The following CSMD1 variants were observed in gnomAD, a reference collection of about 807,000 sequenced individuals.
CSMD1 encodes CUB and sushi domain-containing protein 1.
In CSMD1, 213 loss-of-function variants were observed where a neutral mutation model predicts 417.5. The ratio of observed to expected loss-of-function variants is 0.51; its 90% CI spans 0.46 to 0.57. The LOEUF is 0.57. CSMD1 is among the 20% of genes least tolerant of loss of function. CSMD1 has a pLI of 0.00. For synonymous variants in CSMD1, 2,862 were observed against 1,736.8 expected, an observed-to-expected ratio of 1.65 and a Z score of -16.11; for missense variants, 6,923 against 4,529.7, an observed-to-expected ratio of 1.53 and a Z score of -15.17.
chr8:4,325,111 A>G (rs1045000481), intron 3 of CSMD1, among the ~76,000 whole-genome samples: 2 of 152,188 alleles, frequency 1.3e-5, no homozygotes, highest in Admixed American at 1.3e-4. Flanking sequence ...CCACTTGATG[A>G]TACTGCACAT....
intron 3 of CSMD1, among the ~76,000 whole-genome samples, chr8:4,119,294 T>A (rs1208408293): frequency 2.6e-5 from 4 of 152,078 alleles, no homozygotes; most frequent in African/African-American, 9.7e-5. Flanking sequence ...ACAACCCAAA[T>A]CTAAATGTCA....
Position 4,738,847 on chromosome 8 carries a change from G to A in CSMD1, c.86-101289C>T, listed in dbSNP as rs975815099. ...AGATGGAGAATAGAAAAAATACACAGGTTGCTTATTTAGGAACTACATATA... is the reference window on the plus strand; with the variant it reads ...AGATGGAGAATAGAAAAAATACACAAGTTGCTTATTTAGGAACTACATATA... On this transcript the variant is annotated intron_variant, in intron 1 of 69. Coordinates refer to ENST00000635120, the MANE Select transcript of CSMD1 (RefSeq NM_033225.6). Among the ~76,000 whole-genome samples the A allele has an allele frequency of 2.6e-5, 4 of 151,510 alleles. No homozygotes were observed. In the South Asian group the frequency reaches 8.3e-4, roughly 32 times the overall value.
chr8:3,798,647 CAT>C lies in CSMD1; in HGVS notation c.819-44607_819-44606del, dbSNP rs999921685. 6.6e-5 allele frequency among the ~76,000 whole-genome samples: 10 copies of C among 152,154 alleles called. No homozygotes were observed. In the South Asian group the frequency reaches 1.2e-3, roughly 19 times the overall value. ...CAGTACTCATGCTATATAAAAAATACATACATTTATTCAAGAAGATGCATTTA... is the reference window on the plus strand; with the variant it reads ...CAGTACTCATGCTATATAAAAAATACACATTTATTCAAGAAGATGCATTTA... On this transcript the variant is annotated intron_variant, in intron 5 of 69. Transcript: ENST00000635120.
chr8:4,811,547 T>A (rs1162553338), intron 1 of CSMD1, among the ~76,000 whole-genome samples: 2 of 152,128 alleles, frequency 1.3e-5, no homozygotes, highest in South Asian at 2.1e-4. Flanking sequence ...TTTCCCAATA[T>A]TGACATGGAA....
rs112571277 is a variant in CSMD1, at chr8:3,142,625, G to A, written c.6081C>T (p.Phe2027=). ...LNFSTEANHD[F]LEIQNGPYHT... The stretch of plus-strand genomic sequence containing the variant: ...GGTAAGGTCCATTTTGAATTTCAAG[G>A]AAGTCATGATTAGCTTCGGTAGAAA... Residue 2027 remains phenylalanine, a synonymous_variant, in exon 41 of 70, where the codon TTC becomes TTT. Transcript: ENST00000635120. The A allele has an allele frequency of 7.9e-4, 1,276 of 1,613,984 alleles. 15 individuals carry two copies. In the African/African-American group the frequency reaches 0.016, roughly 20 times the overall value.
At chr8:4,044,721 C>A (rs1449868570) in intron 3 of CSMD1, among the ~76,000 whole-genome samples, 2 of 152,032 alleles carry the variant, frequency 1.3e-5, no homozygotes, top group African/African-American at 4.8e-5. Context: ...TGCATAGCAC[C>A]CTGGACACGT....
intron 3 of CSMD1, among the ~76,000 whole-genome samples, chr8:4,088,409 G>C (rs576599555): frequency 9.2e-5 from 14 of 152,108 alleles, no homozygotes; most frequent in East Asian, 1.9e-4. Flanking sequence ...CCTTTTCTCA[G>C]GTTTCCTCTC....
intron 5 of CSMD1, among the ~76,000 whole-genome samples, chr8:3,913,455 T>C (rs531427330): frequency 6.6e-6 from 1 of 152,040 alleles, no homozygotes; most frequent in Non-Finnish European, 1.5e-5. Context: ...AAATGTAACC[T>C]CCAGACTGGA....
chr8:4,837,563 A>G (rs1215938128), intron 1 of CSMD1, among the ~76,000 whole-genome samples: 1 of 152,178 alleles, frequency 6.6e-6, no homozygotes, highest in East Asian at 1.9e-4. Flanking sequence ...AATCAAAACA[A>G]TTAAGCTCAT....
intron 5 of CSMD1, among the ~76,000 whole-genome samples, chr8:3,838,146 A>T (rs1302383478): frequency 2.6e-5 from 4 of 152,138 alleles, no homozygotes; most frequent in Admixed American, 2.0e-4. Context: ...TCAGAGTCCT[A>T]TACTAAGTAT....
At chr8:3,928,097 T>C (rs529437074) in intron 5 of CSMD1, among the ~76,000 whole-genome samples, 1 of 152,160 alleles carries the variant, frequency 6.6e-6, no homozygotes, top group Admixed American at 6.6e-5. Context: ...TATGAAAGTA[T>C]AAAGGACATA....
chr8:3,049,461 T>C (rs1811669323), intron 50 of CSMD1, among the ~76,000 whole-genome samples: 1 of 152,100 alleles, frequency 6.6e-6, no homozygotes, highest in Non-Finnish European at 1.5e-5. Flanking sequence ...CGCTTATTAC[T>C]AAGTGAAAGA....
intron 23 of CSMD1, among the ~76,000 whole-genome samples, chr8:3,312,197 C>G (rs1805403224): frequency 6.6e-6 from 1 of 152,112 alleles, no homozygotes; most frequent in South Asian, 2.1e-4. Context: ...ATTGCTTTTT[C>G]TATCAATCAT....
At chr8:4,905,787 T>G (rs941772740) in intron 1 of CSMD1, among the ~76,000 whole-genome samples, 5 of 131,492 alleles carry the variant, frequency 3.8e-5, no homozygotes, top group African/African-American at 1.4e-4. Flanking sequence ...GCCACTGCAC[T>G]CCAGCCTGGG....
chr8:4,806,405 T>A (rs954861955), intron 1 of CSMD1, among the ~76,000 whole-genome samples: 5 of 152,138 alleles, frequency 3.3e-5, no homozygotes, highest in Non-Finnish European at 7.4e-5. Flanking sequence ...AGCAAAGTTC[T>A]TTGCCATAAA....
chr8:3,125,871 G>A (rs768424645), intron 41 of CSMD1, among the ~76,000 whole-genome samples: 2 of 152,166 alleles, frequency 1.3e-5, no homozygotes, highest in Non-Finnish European at 2.9e-5. Context: ...CAGCTACTCG[G>A]GAGGCTGAGG....
chr8:3,363,055 T>A (rs991310783), intron 20 of CSMD1, among the ~76,000 whole-genome samples: 7 of 152,280 alleles, frequency 4.6e-5, no homozygotes, highest in Middle Eastern at 3.4e-3. Flanking sequence ...CCCTCCACTT[T>A]CCCCTCGGTT....
At chr8:3,524,628 C>A (rs1797678430) in intron 10 of CSMD1, among the ~76,000 whole-genome samples, 1 of 151,608 alleles carries the variant, frequency 6.6e-6, no homozygotes. Context: ...CACACATGCA[C>A]ACCCAGAGAG....
intron 10 of CSMD1, among the ~76,000 whole-genome samples, chr8:3,507,980 T>G (rs980698471): frequency 4.6e-5 from 7 of 152,216 alleles, no homozygotes; most frequent in African/African-American, 1.7e-4. Flanking sequence ...TGATGTTGGT[T>G]TCTTTTGCTG....
Sources: allele counts gnomAD v4.1 joint callset (sites outside exome capture counted in the v4.1 genomes callset), GRCh38; gene constraint gnomAD v4.1.1; transcripts MANE v1.5; gene names NCBI Gene and HGNC (gene_info 2026-07-23, HGNC 2026-07-21).